E2F6: variants seen among roughly 807,000 people sequenced by gnomAD.
E2F6 encodes the protein E2F transcription factor 6.
E2F6 carries 19 observed loss-of-function variants against 31.5 expected under a neutral mutation model. The ratio of observed to expected loss-of-function variants is 0.60; its 90% confidence interval spans 0.42 to 0.89. The LOEUF is 0.89. Ranked by LOEUF, E2F6 falls within the 40% of genes least tolerant of loss-of-function variation. The pLI is 0.00. For synonymous variants in E2F6, 121 were observed against 127.7 expected, an observed-to-expected ratio of 0.95 and a Z score of 0.36; for missense variants, 269 against 341.6, an observed-to-expected ratio of 0.79 and a Z score of 1.67.
chr2:11,452,266 C>T (rs1325513021), intron 3 of E2F6, among the ~76,000 whole-genome samples: 1 of 152,152 alleles, frequency 6.6e-6, no homozygotes, highest in Admixed American at 6.5e-5. Flanking sequence ...CTAGTGTACA[C>T]ATTCTGTCTG....
chr2:11,459,883 CAA>C (rs70953401), intron 1 of E2F6, among the ~76,000 whole-genome samples: 8 of 142,622 alleles, frequency 5.6e-5, no homozygotes, highest in Admixed American at 6.8e-5. Flanking sequence ...GACTCCGTCT[CAA>C]AAAAAAAAAA....
chr2:11,452,010 T>C (rs1397102736), intron 3 of E2F6, among the ~76,000 whole-genome samples: 6 of 152,226 alleles, frequency 3.9e-5, no homozygotes, highest in East Asian at 1.9e-4. Context: ...CTTCATCTTA[T>C]ACAGTCTTTT....
intron 1 of E2F6, among the ~76,000 whole-genome samples, chr2:11,457,748 C>T (rs1304453489): frequency 2.6e-5 from 4 of 152,230 alleles, no homozygotes; most frequent in Admixed American, 2.6e-4. Context: ...TCTATCTCAA[C>T]CAACACATGC....
chr2:11,454,064 T>C (rs1381984365), intron 2 of E2F6, among the ~76,000 whole-genome samples: 1 of 152,248 alleles, frequency 6.6e-6, no homozygotes, highest in Non-Finnish European at 1.5e-5. Flanking sequence ...ATGTGGACTT[T>C]CACAAGTCTA....
chr2:11,447,905 A>G, intron 5 of E2F6, 131 bp from the exon 6 acceptor site: 1 of 1,035,090 alleles, frequency 9.7e-7, no homozygotes, highest in Non-Finnish European at 1.4e-6. Context: ...AGCACTGGCC[A>G]ATTCCCATGC....
chr2:11,451,590 A>G (rs1289345263), intron 4 of E2F6, 61 bp downstream of exon 4: 2 of 1,479,688 alleles, frequency 1.4e-6, no homozygotes, highest in Non-Finnish European at 1.8e-6. Flanking sequence ...AGCTGACTCT[A>G]CTACTTAAGT....
intron 1 of E2F6, chr2:11,458,430 G>A: frequency 2.0e-6 from 3 of 1,468,866 alleles, no homozygotes; most frequent in Middle Eastern, 1.7e-4. Context: ...GGCATGGCAT[G>A]TTTCTGGGAA....
intron 1 of E2F6, among the ~76,000 whole-genome samples, 177 bp downstream of exon 1, chr2:11,465,595 G>A (rs1204731962): frequency 6.6e-6 from 1 of 152,264 alleles, no homozygotes; most frequent in Non-Finnish European, 1.5e-5. Context: ...CCACGTCTGT[G>A]AGCAGATGCT....
At chr2:11,448,409 G>A (rs1245101443) in intron 5 of E2F6, among the ~76,000 whole-genome samples, 2 of 152,194 alleles carry the variant, frequency 1.3e-5, no homozygotes, top group African/African-American at 4.8e-5. Context: ...ATTGGGAGCT[G>A]CTTCAACTAT....
rs187001638 is a variant in E2F6, at chr2:11,459,607, C to T, written c.109-2374G>A. Among the ~76,000 whole-genome samples the T allele has an allele frequency of 6.2e-3, 942 of 151,972 alleles. 7 individuals carry two copies. Among genetic ancestry groups the T allele is most frequent in the Non-Finnish European group, 9.3e-3 (629 of 67,966 alleles). ...ATAGATAGAAACATAAGTCCAGGCGCGGTGGCTCATGCCTGTAATCCCAGG... is the reference window on the plus strand; with the variant it reads ...ATAGATAGAAACATAAGTCCAGGCGTGGTGGCTCATGCCTGTAATCCCAGG... On this transcript the variant is annotated intron_variant, in intron 1 of 6. Coordinates refer to ENST00000381525, the MANE Select transcript of E2F6 (RefSeq NM_198256.4).
At chr2:11,463,110 T>TA (rs1671886547) in intron 1 of E2F6, among the ~76,000 whole-genome samples, 1 of 152,208 alleles carries the variant, frequency 6.6e-6, no homozygotes, top group Admixed American at 6.5e-5. Flanking sequence ...TTAGAGTTTT[T>TA]ATCACGTTCT....
intron 3 of E2F6, 43 bp from the exon 4 acceptor site, chr2:11,451,849 A>G (rs1317368925): frequency 1.3e-6 from 2 of 1,558,580 alleles, no homozygotes; most frequent in East Asian, 4.6e-5. Context: ...CAACTAGGAG[A>G]TAACAAAGTA....
chr2:11,465,649 C>T (rs1034172235), intron 1 of E2F6, 123 bp downstream of exon 1: 1 of 938,704 alleles, frequency 1.1e-6, no homozygotes, highest in Admixed American at 2.2e-5. Context: ...ACGTGATGGG[C>T]AGCGCCTGGC....
intron 6 of E2F6, 44 bp downstream of exon 6, chr2:11,447,583 T>C (rs776570333): frequency 6.3e-7 from 1 of 1,590,912 alleles, no homozygotes; most frequent in Non-Finnish European, 8.6e-7. Context: ...AATAAAATTA[T>C]GCATGCTTAA....
intron 6 of E2F6, 58 bp downstream of exon 6, chr2:11,447,569 C>A: frequency 1.3e-6 from 2 of 1,574,530 alleles, no homozygotes; most frequent in Non-Finnish European, 1.7e-6. Context: ...CCATAATACA[C>A]ATTAATAAAA....
In E2F6 at chr2:11,444,749, G is replaced by A. The variant is rs1455147728; in HGVS notation, c.*1728C>T. 1 of 152,058 alleles carries A rather than the reference G, an allele frequency of 6.6e-6. No individual in the cohort carries two copies. The highest frequency in any genetic ancestry group is 1.9e-4 in the East Asian group (1 of 5,190). 9.4% of individuals were successfully genotyped at this position (152,058 alleles called of 1,614,324 possible). On this transcript the variant is annotated 3_prime_UTR_variant, in exon 7 of 7. Transcript: ENST00000381525. ...CGTACTACACAGCTCAGACTTTTCC[G>A]CTGAGCACCTGACCTACATACACAC... is the stretch of plus-strand genomic sequence containing the variant.
chr2:11,458,750 G>GA (rs1371153829), intron 1 of E2F6, among the ~76,000 whole-genome samples: 1 of 152,182 alleles, frequency 6.6e-6, no homozygotes, highest in Non-Finnish European at 1.5e-5. Flanking sequence ...ATGACAAGAT[G>GA]ATAGCATCTA....
In E2F6 at chr2:11,453,800, T is replaced by C. The variant is rs536590443; in HGVS notation, c.164-2A>G. The C allele has an allele frequency of 2.5e-6, 4 of 1,607,768 alleles. 1 individual carries two copies. The East Asian group carries it at 6.7e-5, about 27-fold the overall frequency. On this transcript the variant is annotated splice_acceptor_variant, in intron 2 of 6. Coordinates refer to ENST00000381525, the MANE Select transcript of E2F6 (RefSeq NM_198256.4). LOFTEE classifies it high-confidence loss of function. ...GAGGTCTCTTCACTTTTAGAGCTTC[T>C]GGGAAACAAAATAAACATATTTGTA...
intron 6 of E2F6, among the ~76,000 whole-genome samples, 158 bp downstream of exon 6, chr2:11,447,469 T>C (rs1572485960): frequency 1.3e-5 from 2 of 152,250 alleles, no homozygotes; most frequent in East Asian, 3.8e-4. Context: ...AACTATAATG[T>C]TCACAGAAAT....
Sources: gnomAD v4.1 joint callset for allele counts (sites outside exome capture counted in the v4.1 genomes callset) on GRCh38, gnomAD v4.1.1 for gene constraint, MANE v1.5 for transcripts, NCBI Gene and HGNC (gene_info 2026-07-23, HGNC 2026-07-21) for gene names.